The following YAE1 variants were observed in gnomAD, a reference collection of about 807,000 sequenced individuals.
YAE1 encodes YAE1 maturation factor of ABCE1, also known as protein YAE1 homolog.
In YAE1, 22 loss-of-function variants were observed where a neutral mutation model predicts 23.0. The ratio of observed to expected loss-of-function variants is 0.96; its 90% CI spans 0.68 to 1.37. The LOEUF (loss-of-function observed/expected upper bound fraction) is 1.37. Among genes scored for constraint, YAE1 ranks in the 40% most tolerant of loss-of-function variants. The pLI is 0.00. For synonymous variants in YAE1, 101 were observed against 97.0 expected (o/e 1.04, Z -0.24); for missense variants, 260 against 262.1 (o/e 0.99, Z 0.06).
At chr7:39,601,172 T>C (rs1791050387) in intron 2 of YAE1, among the ~76,000 whole-genome samples, 1 of 152,214 alleles carries the variant, frequency 6.6e-6, no homozygotes, top group African/African-American at 2.4e-5. Context: ...TCTAAAAAGA[T>C]ATCTAAGTAA....
chr7:39,603,895 G>A (rs1791090494), intron 2 of YAE1, among the ~76,000 whole-genome samples: 1 of 152,156 alleles, frequency 6.6e-6, no homozygotes, highest in Admixed American at 6.5e-5. Flanking sequence ...AATATCGAGA[G>A]GATATTAGAT....
intron 2 of YAE1, chr7:39,571,146 T>G (rs1790557336): frequency 6.6e-6 from 1 of 152,440 alleles, no homozygotes; most frequent in Admixed American, 6.5e-5. Context: ...ATACCAAGCT[T>G]GTCCAACCAG....
intron 2 of YAE1, among the ~76,000 whole-genome samples, chr7:39,607,052 T>C (rs771724272): frequency 2.6e-5 from 4 of 152,236 alleles, no homozygotes; most frequent in East Asian, 1.9e-4. Flanking sequence ...TCATACTCTA[T>C]GAAAATGTCA....
chr7:39,570,108 C>T (rs184525562), intron 1 of YAE1: 7 of 997,368 alleles, frequency 7.0e-6, no homozygotes, highest in South Asian at 1.4e-5. Flanking sequence ...ATGATGCGTA[C>T]GTTGCTCTGC....
downstream of YAE1, among the ~76,000 whole-genome samples, chr7:39,574,452 G>T (rs575560542): frequency 1.3e-5 from 2 of 152,172 alleles, no homozygotes; most frequent in East Asian, 1.9e-4. Flanking sequence ...AAAAAAATCC[G>T]CTGGGTGCAG....
intron 2 of YAE1, among the ~76,000 whole-genome samples, chr7:39,591,977 T>A (rs1249371067): frequency 6.6e-6 from 1 of 152,232 alleles, no homozygotes; most frequent in Non-Finnish European, 1.5e-5. Flanking sequence ...CTTGGCAATA[T>A]GCATTTAAGT....
At chr7:39,603,647 G>C (rs1224444352) in intron 2 of YAE1, among the ~76,000 whole-genome samples, 1 of 152,148 alleles carries the variant, frequency 6.6e-6, no homozygotes, top group Admixed American at 6.5e-5. Flanking sequence ...TCAAAAACAA[G>C]AATATCTAAT....
chr7:39,569,473 C>T (rs1410214633), intron 1 of YAE1: 1 of 495,344 alleles, frequency 2.0e-6, no homozygotes, highest in Non-Finnish European at 4.0e-6. Context: ...TCTTCTGAAA[C>T]ATCTTCTTTA....
At chr7:39,605,873 G>C (rs1791123230) in intron 2 of YAE1, among the ~76,000 whole-genome samples, 1 of 152,004 alleles carries the variant, frequency 6.6e-6, no homozygotes, top group African/African-American at 2.4e-5. Flanking sequence ...GCTGGGCTTT[G>C]AGAATGACTA....
chr7:39,605,021 A>C (rs1250890740), intron 2 of YAE1, among the ~76,000 whole-genome samples: 1 of 152,208 alleles, frequency 6.6e-6, no homozygotes, highest in African/African-American at 2.4e-5. Flanking sequence ...TTACAGTGAG[A>C]TATTCTTCAG....
At chr7:39,595,302 A>G (rs1278749155) in intron 2 of YAE1, among the ~76,000 whole-genome samples, 1 of 152,014 alleles carries the variant, frequency 6.6e-6, no homozygotes, top group African/African-American at 2.4e-5. Context: ...GTTTTTATTG[A>G]TGAGGATTTT....
chr7:39,607,270 G>A (rs1249476857), intron 2 of YAE1, among the ~76,000 whole-genome samples: 2 of 152,244 alleles, frequency 1.3e-5, no homozygotes, highest in African/African-American at 2.4e-5. Context: ...CTGAAACTAT[G>A]TTAGATTATA....
intron 2 of YAE1, among the ~76,000 whole-genome samples, chr7:39,581,106 A>T (rs1223436233): frequency 6.6e-6 from 1 of 152,234 alleles, no homozygotes; most frequent in Non-Finnish European, 1.5e-5. Flanking sequence ...GGATGTAAAC[A>T]TAGGGAGAGA....
At chr7:39,578,671 GA>G (rs1790695202) in intron 2 of YAE1, among the ~76,000 whole-genome samples, 1 of 152,102 alleles carries the variant, frequency 6.6e-6, no homozygotes, top group Non-Finnish European at 1.5e-5. Context: ...CCCGCCAGAA[GA>G]AAGAAACTCC....
chr7:39,595,513 G>A (rs1790961779), intron 2 of YAE1, among the ~76,000 whole-genome samples: 1 of 152,078 alleles, frequency 6.6e-6, no homozygotes, highest in Non-Finnish European at 1.5e-5. Flanking sequence ...AACTATGCTG[G>A]CCTAGGGGAA....
chr7:39,587,775 T>G (rs1008187783), intron 2 of YAE1, among the ~76,000 whole-genome samples: 2 of 141,006 alleles, frequency 1.4e-5, no homozygotes, highest in African/African-American at 2.5e-5. Flanking sequence ...AAAAATCATG[T>G]GTGTAGGTAA....
chr7:39,610,133 T>C, exon 3 of YAE1: 1 of 882,354 alleles, frequency 1.1e-6, no homozygotes, highest in South Asian at 1.8e-5. Context: ...TATGTACACG[T>C]CTCTCAAACT....
At chr7:39,600,927 G>A (rs1241366806) in intron 2 of YAE1, among the ~76,000 whole-genome samples, 1 of 152,180 alleles carries the variant, frequency 6.6e-6, no homozygotes, top group Non-Finnish European at 1.5e-5. Context: ...CCAGAACTAT[G>A]AGACAAACTA....
intron 2 of YAE1, among the ~76,000 whole-genome samples, chr7:39,590,439 T>G (rs1790886036): frequency 6.6e-6 from 1 of 152,194 alleles, no homozygotes; most frequent in Non-Finnish European, 1.5e-5. Context: ...GATAAAGAGC[T>G]AAGAGGATAA....
Sources: gnomAD v4.1 joint callset for allele counts (sites outside exome capture counted in the v4.1 genomes callset) on GRCh38, gnomAD v4.1.1 for gene constraint, MANE v1.5 for transcripts, NCBI Gene and HGNC (gene_info 2026-07-23, HGNC 2026-07-21) for gene names.